Variants in RHOBTB1 observed in about 807,000 individuals in gnomAD.
RHOBTB1 encodes Rho related BTB domain containing 1.
A neutral mutation model predicts 71.6 loss-of-function variants in RHOBTB1; 40 were observed. That is an observed-to-expected ratio of 0.56 (90% confidence interval 0.43 to 0.73). The LOEUF (loss-of-function observed/expected upper bound fraction) is 0.73. RHOBTB1 is among the 30% of genes least tolerant of loss of function. RHOBTB1 has a pLI of 0.00. For missense variants in RHOBTB1, 797 were observed against 894.0 expected (o/e 0.89, Z 1.38); for synonymous variants, 319 against 334.9 (o/e 0.95, Z 0.52).
At chr10:60,940,140 A>G (rs2084821921) in intron 2 of RHOBTB1, among the ~76,000 whole-genome samples, 1 of 152,200 alleles carries the variant, frequency 6.6e-6, no homozygotes, top group African/African-American at 2.4e-5. Context: ...GTTATAGGAC[A>G]GCTTATAATA....
intron 4 of RHOBTB1, among the ~76,000 whole-genome samples, chr10:60,910,340 G>A (rs1205700828): frequency 3.3e-5 from 5 of 151,992 alleles, no homozygotes; most frequent in African/African-American, 9.7e-5. Flanking sequence ...AAAAATAAAC[G>A]TTAGTGTTTC....
chr10:60,866,186 C>T (rs543259461), downstream of RHOBTB1, among the ~76,000 whole-genome samples: 12 of 152,194 alleles, frequency 7.9e-5, no homozygotes, highest in South Asian at 6.2e-4. Context: ...CTCACTGTAG[C>T]GCCAAGGAAT....
chr10:60,978,215 G>A (rs1038659586), intron 2 of RHOBTB1, among the ~76,000 whole-genome samples: 12 of 152,100 alleles, frequency 7.9e-5, no homozygotes, highest in South Asian at 4.1e-4. Context: ...TTTTAATGGC[G>A]TCTTCAGAAT....
chr10:60,960,002 A>C (rs927076116), intron 2 of RHOBTB1, among the ~76,000 whole-genome samples: 1 of 152,246 alleles, frequency 6.6e-6, no homozygotes, highest in Non-Finnish European at 1.5e-5. Context: ...AATAATAAAC[A>C]GTAGGCTGGA....
chr10:60,900,997 G>A (rs1410374080), intron 4 of RHOBTB1, among the ~76,000 whole-genome samples: 1 of 152,078 alleles, frequency 6.6e-6, no homozygotes, highest in East Asian at 1.9e-4. Context: ...AGAAGCAAAG[G>A]AAATGTAAAG....
chr10:60,913,926 T>G (rs1453902661), intron 2 of RHOBTB1, among the ~76,000 whole-genome samples: 1 of 152,172 alleles, frequency 6.6e-6, no homozygotes, highest in Non-Finnish European at 1.5e-5. Context: ...ACTGATGAAT[T>G]AAGTCCTCAG....
chr10:60,971,325 T>C (rs1456952728), intron 2 of RHOBTB1, among the ~76,000 whole-genome samples: 1 of 152,042 alleles, frequency 6.6e-6, no homozygotes, highest in Non-Finnish European at 1.5e-5. Flanking sequence ...CAAAACAGCA[T>C]GGTACTGGTA....
At chr10:60,947,960 T>C (rs1207714929), upstream of RHOBTB1, among the ~76,000 whole-genome samples, 1 of 152,214 alleles carries the variant, frequency 6.6e-6, no homozygotes, top group African/African-American at 2.4e-5. Context: ...CTCCACATCC[T>C]CACTAGCATT....
At chr10:60,895,415 A>G (rs2082114607) in intron 4 of RHOBTB1, among the ~76,000 whole-genome samples, 1 of 152,006 alleles carries the variant, frequency 6.6e-6, no homozygotes, top group Non-Finnish European at 1.5e-5. Flanking sequence ...TTATTTATTT[A>G]TTTTTTGAGA....
In RHOBTB1 at chr10:60,906,798, T is replaced by C. The variant is rs187077167; in HGVS notation, c.296+4089A>G. 4.2e-3 allele frequency among the ~76,000 whole-genome samples: 637 copies of C among 151,808 alleles called. 6 individuals are homozygous for C. Among genetic ancestry groups the C allele is most frequent in the Non-Finnish European group, 7.2e-3 (490 of 67,900 alleles). On this transcript the variant is annotated intron_variant, in intron 4 of 10. Coordinates refer to ENST00000337910, the MANE Select transcript of RHOBTB1 (RefSeq NM_014836.5). ...AGACAGATCAATGAAGGAAATTTTA[T>C]AGGGGAAAAAAAAAACAATAAAATC...
In RHOBTB1 at chr10:61,000,870, A is replaced by T. The variant is rs532068903; in HGVS notation, c.-163+529T>A. 3.3e-5 allele frequency among the ~76,000 whole-genome samples: 5 copies of T among 152,254 alleles called. No homozygotes were observed. In the East Asian group the frequency reaches 9.7e-4, roughly 29 times the overall value. ...TTTACAGCCCGGGGCTTTCACGGCT[A>T]ACAAACCAAGAAAAATCAATCCCGC... is the stretch of plus-strand genomic sequence containing the variant. On this transcript the variant is annotated intron_variant, in intron 1 of 11. Transcript: ENST00000357917.
chr10:60,922,944 T>C (rs1589313270), intron 2 of RHOBTB1, among the ~76,000 whole-genome samples: 1 of 152,266 alleles, frequency 6.6e-6, no homozygotes, highest in East Asian at 1.9e-4. Flanking sequence ...ACTTCCATGG[T>C]CACATTCCTC....
intron 2 of RHOBTB1, among the ~76,000 whole-genome samples, chr10:60,982,985 T>C (rs910149627): frequency 6.6e-6 from 1 of 152,154 alleles, no homozygotes; most frequent in African/African-American, 2.4e-5. Context: ...CATGGTCTTT[T>C]AATCGACAGA....
chr10:60,949,829 A>G (rs2085353523), intron 2 of RHOBTB1, among the ~76,000 whole-genome samples: 1 of 152,162 alleles, frequency 6.6e-6, no homozygotes, highest in Non-Finnish European at 1.5e-5. Context: ...TTCTGTGAAG[A>G]CAAAGTATCT....
intron 2 of RHOBTB1, among the ~76,000 whole-genome samples, chr10:60,950,165 G>A (rs1400089179): frequency 6.6e-6 from 1 of 152,120 alleles, no homozygotes; most frequent in African/African-American, 2.4e-5. Flanking sequence ...CTTTGTTTAG[G>A]CATGGCATAG....
At chr10:60,893,052 C>T (rs961638410) in intron 4 of RHOBTB1, 57 bp from the exon 5 acceptor site, 19 of 1,348,592 alleles carry the variant, frequency 1.4e-5, no homozygotes, top group South Asian at 4.0e-5. Context: ...TTTTCTTTTA[C>T]CATTATGGTT....
chr10:60,970,143 T>C (rs1191971234), intron 2 of RHOBTB1, among the ~76,000 whole-genome samples: 1 of 152,160 alleles, frequency 6.6e-6, no homozygotes, highest in East Asian at 1.9e-4. Context: ...GTCATAGTGA[T>C]CACTGATTGT....
Position 60,959,570 on chromosome 10 carries a change from G to GAAAC in RHOBTB1, c.-61-17720_-61-17717dup, listed in dbSNP as rs759034678. Among the ~76,000 whole-genome samples, 7 of 152,208 alleles carry GAAAC rather than the reference G, an allele frequency of 4.6e-5. No homozygotes were observed. The East Asian group carries it at 9.6e-4, about 21-fold the overall frequency. On this transcript the variant is annotated intron_variant, in intron 2 of 11. Transcript: ENST00000357917. ...GGCTGCTATTGGCTGAAACAAAAAT[G>GAAAC]AAACAAACAAACAAACAAATAGCTG...
upstream of RHOBTB1, among the ~76,000 whole-genome samples, chr10:60,944,884 C>T (rs753484423): frequency 1.2e-4 from 19 of 152,182 alleles, no homozygotes; most frequent in Non-Finnish European, 2.5e-4. Flanking sequence ...CACCGCTGAC[C>T]CCGACCCGGG....
Sources: allele counts gnomAD v4.1 joint callset (sites outside exome capture counted in the v4.1 genomes callset), GRCh38; gene constraint gnomAD v4.1.1; transcripts MANE v1.5; gene names NCBI Gene and HGNC (gene_info 2026-07-23, HGNC 2026-07-21).